The following RANBP2 variants were observed in gnomAD, a reference collection of about 807,000 sequenced individuals.
The protein encoded by RANBP2 is RAN binding protein 2, also known as E3 SUMO-protein ligase RanBP2.
RANBP2 carries 57 observed loss-of-function variants against 303.6 expected under a neutral mutation model. The observed-to-expected ratio is 0.19, with a 90% CI of 0.15 to 0.23. The LOEUF (loss-of-function observed/expected upper bound fraction) is 0.23, where lower values mean the gene tolerates loss of function less well. RANBP2 is among the 10% of genes least tolerant of loss of function. The pLI, the probability that RANBP2 is intolerant of heterozygous loss-of-function variation, is 1.00. For missense variants in RANBP2, 3,138 were observed against 3,780.8 expected, an observed-to-expected ratio of 0.83 and a Z score of 4.46; for synonymous variants, 1,167 against 1,301.5, an observed-to-expected ratio of 0.90 and a Z score of 2.23.
intron 25 of RANBP2, among the ~76,000 whole-genome samples, chr2:108,780,404 G>A (rs1443297226): frequency 7.3e-6 from 1 of 136,434 alleles, no homozygotes; most frequent in South Asian, 2.3e-4. Context: ...TTGCTCTGTC[G>A]TCCAGGCTGG....
At chr2:108,978,421 G>A in the RANBP2 span, among the ~76,000 whole-genome samples, 6 of 152,052 alleles carry the variant, frequency 3.9e-5, no homozygotes, top group South Asian at 2.1e-4. Flanking sequence ...TCGACTCTGC[G>A]TGTCTTTGCT....
At chr2:109,066,194 C>T in the RANBP2 span, among the ~76,000 whole-genome samples, 12 of 151,900 alleles carry the variant, frequency 7.9e-5, no homozygotes, top group Admixed American at 6.6e-4. Flanking sequence ...CTGCAACCTC[C>T]GTCTCCTGGG....
chr2:109,046,488 C>T, the RANBP2 span, among the ~76,000 whole-genome samples: 1 of 149,294 alleles, frequency 6.7e-6, no homozygotes, highest in Non-Finnish European at 1.5e-5. Context: ...CTCACTGCAA[C>T]CTCCACCTCC....
the RANBP2 span, chr2:108,989,417 T>G: frequency 6.6e-6 from 1 of 152,624 alleles, no homozygotes; most frequent in African/African-American, 2.4e-5. Context: ...ATTTTTTTTT[T>G]TGCAGGGGTG....
At chr2:109,544,517 G>T in the RANBP2 span, 23 of 984,918 alleles carry the variant, frequency 2.3e-5, no homozygotes, top group Non-Finnish European at 2.5e-5. Context: ...ATATGGGCTT[G>T]GTCCTGATTT....
chr2:109,291,297 T>G, the RANBP2 span, among the ~76,000 whole-genome samples: 8 of 141,162 alleles, frequency 5.7e-5, no homozygotes, highest in Admixed American at 1.5e-4. Flanking sequence ...TTTTTTTTTT[T>G]GCATTATGCT....
At chr2:109,152,701 T>C in the RANBP2 span, among the ~76,000 whole-genome samples, 1 of 152,224 alleles carries the variant, frequency 6.6e-6, no homozygotes, top group Admixed American at 6.5e-5. Flanking sequence ...CAGCTCATCA[T>C]TGGAAATTCA....
chr2:109,320,257 G>A, the RANBP2 span, among the ~76,000 whole-genome samples: 2 of 152,256 alleles, frequency 1.3e-5, no homozygotes, highest in African/African-American at 2.4e-5. Flanking sequence ...AGAGGAGGGC[G>A]GTGGGAATGA....
At chr2:109,478,846 T>A in the RANBP2 span, among the ~76,000 whole-genome samples, 2 of 152,136 alleles carry the variant, frequency 1.3e-5, no homozygotes. Context: ...TAACAAATCA[T>A]CTCAAAACTC....
the RANBP2 span, among the ~76,000 whole-genome samples, chr2:109,643,353 C>A: frequency 1.1e-4 from 16 of 152,138 alleles, no homozygotes; most frequent in African/African-American, 3.6e-4. Flanking sequence ...AGGCTGAAAC[C>A]TACTGGGCTC....
At chr2:109,050,601 G>A in the RANBP2 span, among the ~76,000 whole-genome samples, 19 of 151,992 alleles carry the variant, frequency 1.3e-4, no homozygotes, top group Non-Finnish European at 2.5e-4. Flanking sequence ...AATTACACAT[G>A]TGGCTCATAT....
At chr2:108,787,952 T>C (rs1679184951), downstream of RANBP2, 7 of 1,167,186 alleles carry the variant, frequency 6.0e-6, no homozygotes, top group South Asian at 2.9e-5. Context: ...TTGTAATTAA[T>C]ACATAATTTG....
the RANBP2 span, among the ~76,000 whole-genome samples, chr2:109,240,626 T>C: frequency 6.6e-6 from 1 of 152,190 alleles, no homozygotes; most frequent in Non-Finnish European, 1.5e-5. Flanking sequence ...AACCTTCAGC[T>C]TCTCTAATAT....
the RANBP2 span, among the ~76,000 whole-genome samples, chr2:108,876,758 T>G: frequency 1.3e-5 from 2 of 152,216 alleles, no homozygotes; most frequent in African/African-American, 4.8e-5. Flanking sequence ...GAAAAAGTTT[T>G]TTATTATGCT....
chr2:109,324,963 C>G, the RANBP2 span, among the ~76,000 whole-genome samples: 10 of 152,324 alleles, frequency 6.6e-5, no homozygotes, highest in African/African-American at 2.4e-4. Context: ...TAGACAAATA[C>G]AATCACACAG....
At chr2:108,904,283 T>C in the RANBP2 span, among the ~76,000 whole-genome samples, 9 of 152,078 alleles carry the variant, frequency 5.9e-5, no homozygotes, top group Non-Finnish European at 1.3e-4. Context: ...CTTCTCAGAA[T>C]AGCTAAAACA....
Position 108,719,555 on chromosome 2 carries a change from T to TGCGGGCCTGAGCGCTGGTCTC in RANBP2, c.-51_-31dup. On this transcript the variant is annotated 5_prime_UTR_variant, in exon 1 of 29. Coordinates refer to ENST00000283195, the MANE Select transcript of RANBP2 (RefSeq NM_006267.5). ...CTTTCCTCTTGGAAGTGGCGACTGC[T>TGCGGGCCTGAGCGCTGGTCTC]GCGGGCCTGAGCGCTGGTCTCACGC... 6.4e-7 allele frequency: 1 copy of TGCGGGCCTGAGCGCTGGTCTC among 1,572,238 alleles called. No individual in the cohort carries two copies. Among genetic ancestry groups the TGCGGGCCTGAGCGCTGGTCTC allele is most frequent in the South Asian group, 1.2e-5 (1 of 85,938 alleles).
the RANBP2 span, among the ~76,000 whole-genome samples, chr2:109,377,460 G>A: frequency 6.6e-6 from 1 of 152,160 alleles, no homozygotes; most frequent in African/African-American, 2.4e-5. Flanking sequence ...AGAGCTGGAG[G>A]GGGCAGAAGA....
the RANBP2 span, among the ~76,000 whole-genome samples, chr2:109,179,209 A>G: frequency 6.6e-6 from 1 of 152,298 alleles, no homozygotes; most frequent in African/African-American, 2.4e-5. Flanking sequence ...AGATAATCAA[A>G]ATTAGGTTCT....
Sources: gnomAD v4.1 joint callset for allele counts (sites outside exome capture counted in the v4.1 genomes callset) on GRCh38, gnomAD v4.1.1 for gene constraint, MANE v1.5 for transcripts, NCBI Gene and HGNC (gene_info 2026-07-23, HGNC 2026-07-21) for gene names.